Variants in ARHGAP6 observed in about 807,000 individuals in gnomAD.
ARHGAP6 encodes Rho GTPase activating protein 6.
Under a neutral mutation model 55.7 loss-of-function variants are expected in ARHGAP6, and 16 were observed. That is an observed-to-expected ratio of 0.29 (90% confidence interval 0.19 to 0.44). ARHGAP6 has a LOEUF of 0.44. ARHGAP6 is among the 20% of genes least tolerant of loss of function. ARHGAP6 has a pLI of 1.00. For missense variants in ARHGAP6, 698 were observed against 808.9 expected, an observed-to-expected ratio of 0.86 and a Z score of 1.66; for synonymous variants, 382 against 360.9, an observed-to-expected ratio of 1.06 and a Z score of -0.66.
intron 1 of ARHGAP6, among the ~76,000 whole-genome samples, chrX:11,327,363 A>G (rs1312620091): frequency 1.8e-5 from 2 of 112,854 alleles, no homozygotes; most frequent in East Asian, 5.5e-4. Context: ...AAAACAAAAC[A>G]TATTCGTCAT....
chrX:11,275,333 A>G (rs1487945415), intron 1 of ARHGAP6, among the ~76,000 whole-genome samples: 2 of 112,245 alleles, frequency 1.8e-5, no homozygotes, highest in Non-Finnish European at 3.8e-5. Flanking sequence ...AAGTAAACCA[A>G]TTATTTGAAA....
At chrX:11,347,333 G>C (rs1446185262) in intron 1 of ARHGAP6, among the ~76,000 whole-genome samples, 1 of 112,073 alleles carries the variant, frequency 8.9e-6, no homozygotes, top group East Asian at 2.8e-4. Flanking sequence ...ACTTTCCAAT[G>C]TTTGGGGAAA....
intron 1 of ARHGAP6, among the ~76,000 whole-genome samples, chrX:11,496,278 A>G (rs981829814): frequency 4.4e-5 from 5 of 112,751 alleles, no homozygotes; most frequent in African/African-American, 1.6e-4. Flanking sequence ...GCAACTTTCA[A>G]TCATGTACTC....
At chrX:11,308,242 T>C (rs1389483949) in intron 1 of ARHGAP6, among the ~76,000 whole-genome samples, 7 of 112,316 alleles carry the variant, frequency 6.2e-5, no homozygotes, top group Non-Finnish European at 1.9e-5. Flanking sequence ...TGTAGCTATA[T>C]GAAACCAGCA....
intron 10 of ARHGAP6, among the ~76,000 whole-genome samples, chrX:11,152,970 TGA>T (rs1453150849): frequency 5.4e-5 from 6 of 111,995 alleles, no homozygotes; most frequent in Non-Finnish European, 9.4e-5. Context: ...AAGGGGCTGG[TGA>T]GTCTGACAGC....
chrX:11,545,544 C>A (rs940526870), intron 1 of ARHGAP6, among the ~76,000 whole-genome samples: 8 of 112,045 alleles, frequency 7.1e-5, no homozygotes, highest in African/African-American at 2.6e-4. Flanking sequence ...AGACAGCATG[C>A]AAGGCAACAT....
intron 1 of ARHGAP6, among the ~76,000 whole-genome samples, chrX:11,607,749 A>G (rs190719561): frequency 1.8e-5 from 2 of 112,324 alleles, no homozygotes; most frequent in Admixed American, 9.4e-5. Flanking sequence ...TGTGACAGTG[A>G]CCTTACAGTC....
intron 1 of ARHGAP6, among the ~76,000 whole-genome samples, chrX:11,409,561 G>A (rs187751397): frequency 8.9e-6 from 1 of 112,434 alleles, no homozygotes; most frequent in Admixed American, 9.4e-5. Context: ...AGCAAGGAGA[G>A]GTGGAGGGAG....
At position 11,179,291 on chromosome X, in the gene ARHGAP6, G is replaced by A. The variant is rs776936076; in HGVS notation, c.1480+11C>T. On this transcript the variant is annotated intron_variant, in intron 7 of 12. Transcript: ENST00000337414. ...CAGGGCCACTTTCCCACATATGGCTGTATTACGCACAGAGAGTGTTGATGA... is the reference window on the plus strand; with the variant it reads ...CAGGGCCACTTTCCCACATATGGCTATATTACGCACAGAGAGTGTTGATGA... The A allele has an allele frequency of 2.5e-6, 3 of 1,188,411 alleles. No individual in the cohort carries two copies. The South Asian group carries it at 5.7e-5, about 23-fold the overall frequency.
At chrX:11,156,835 T>C (rs1003522746) in intron 9 of ARHGAP6, among the ~76,000 whole-genome samples, 8 of 112,372 alleles carry the variant, frequency 7.1e-5, no homozygotes, top group African/African-American at 2.3e-4. Context: ...TCATATTCAA[T>C]CCAAAATGTC....
intron 1 of ARHGAP6, among the ~76,000 whole-genome samples, chrX:11,281,627 TAAAC>T (rs1175892802): frequency 2.7e-5 from 3 of 111,101 alleles, no homozygotes; most frequent in African/African-American, 6.5e-5. Flanking sequence ...TATGTAAAGT[TAAAC>T]AAAGAAGTTG....
At chrX:11,627,634 C>T (rs2052313729) in intron 1 of ARHGAP6, among the ~76,000 whole-genome samples, 2 of 111,075 alleles carry the variant, frequency 1.8e-5, no homozygotes, top group Admixed American at 9.6e-5. Context: ...GATTAGGAAC[C>T]CACATCTGGC....
chrX:11,461,360 T>C (rs1453405975), intron 1 of ARHGAP6, among the ~76,000 whole-genome samples: 1 of 111,807 alleles, frequency 8.9e-6, no homozygotes, highest in Non-Finnish European at 1.9e-5. Context: ...GAAGAAATCA[T>C]TGGAGAGATA....
intron 8 of ARHGAP6, among the ~76,000 whole-genome samples, chrX:11,172,553 G>T: frequency 9.0e-6 from 1 of 111,444 alleles, no homozygotes; most frequent in East Asian, 2.8e-4. Flanking sequence ...TCTTTTAAAA[G>T]AATGTTTCAT....
At chrX:11,382,187 C>A (rs1415489592) in intron 1 of ARHGAP6, among the ~76,000 whole-genome samples, 1 of 111,093 alleles carries the variant, frequency 9.0e-6, no homozygotes, top group Non-Finnish European at 1.9e-5. Flanking sequence ...GGCTAAGCAA[C>A]TTATATTAGT....
intron 1 of ARHGAP6, among the ~76,000 whole-genome samples, chrX:11,569,662 C>A (rs1171681356): frequency 9.0e-6 from 1 of 111,659 alleles, no homozygotes; most frequent in East Asian, 2.8e-4. Flanking sequence ...CCTAACCACA[C>A]CCCCCATCCT....
chrX:11,372,731 C>CACTGT (rs1209703416), intron 1 of ARHGAP6, among the ~76,000 whole-genome samples: 2 of 89,510 alleles, frequency 2.2e-5, no homozygotes, highest in African/African-American at 8.9e-5. Context: ...AAGATCGCGC[C>CACTGT]ACTGTACTGC....
intron 1 of ARHGAP6, among the ~76,000 whole-genome samples, chrX:11,490,072 A>AC (rs777089768): frequency 9.1e-6 from 1 of 109,598 alleles, no homozygotes; most frequent in Non-Finnish European, 1.9e-5. Context: ...TCCTAAGATG[A>AC]CCCCCCTCCA....
chrX:11,573,585 G>C (rs2051557107), intron 1 of ARHGAP6, among the ~76,000 whole-genome samples: 1 of 110,571 alleles, frequency 9.0e-6, no homozygotes, highest in African/African-American at 3.3e-5. Flanking sequence ...TTTGGTTACT[G>C]TAGACTTGTA....
Sources: allele counts gnomAD v4.1 joint callset (sites outside exome capture counted in the v4.1 genomes callset), GRCh38; gene constraint gnomAD v4.1.1; transcripts MANE v1.5; gene names NCBI Gene and HGNC (gene_info 2026-07-23, HGNC 2026-07-21).